The following CELSR1 variants were observed in gnomAD, a reference collection of about 807,000 sequenced individuals.
The protein encoded by CELSR1 is cadherin EGF LAG seven-pass G-type receptor 1.
CELSR1 carries 110 observed loss-of-function variants against 249.1 expected under a neutral mutation model. The ratio of observed to expected loss-of-function variants is 0.44; its 90% CI spans 0.38 to 0.52. The LOEUF is 0.52. Among genes scored for constraint, CELSR1 ranks in the 20% least tolerant of loss-of-function variants. CELSR1 has a pLI of 0.00. For missense variants in CELSR1, 4,109 were observed against 4,296.4 expected (o/e 0.96, Z 1.22); for synonymous variants, 2,113 against 1,900.0 (o/e 1.11, Z -2.92).
At position 46,471,017 on chromosome 22, in the gene CELSR1, T is replaced by C. The variant is rs531839879; in HGVS notation, c.3545-6672A>G. On this transcript the variant is annotated intron_variant, in intron 1 of 34. Transcript: ENST00000674500. The surrounding 1 kb of genome is among the most constrained non-coding windows in gnomAD (Gnocchi z 4.9). ...GTGCACATCTGTAATCCTAGCTACT[T>C]GGGAGACTGAGGCAGGAGAATCGCT... Among the ~76,000 whole-genome samples, 12 of 152,058 alleles carry C rather than the reference T, an allele frequency of 7.9e-5. No homozygotes were observed. The highest frequency in any genetic ancestry group is 6.6e-4 in the Admixed American group (10 of 15,250).
At position 46,409,456 on chromosome 22, in the gene CELSR1, G is replaced by A. The variant is rs182763959; in HGVS notation, c.5060-294C>T. 1.2e-3 allele frequency among the ~76,000 whole-genome samples: 182 copies of A among 152,264 alleles called. No homozygotes were observed. The highest frequency in any genetic ancestry group is 4.1e-3 in the African/African-American group (171 of 41,558). ...CTCTCAGGCTTGACAGGAGGCAGAC[G>A]GGGGCGGGTTCAGGATCCCTGGGCT... On this transcript the variant is annotated intron_variant, in intron 8 of 34. Coordinates refer to ENST00000674500, the MANE Select transcript of CELSR1 (RefSeq NM_001378328.1). The surrounding 1 kb of genome is among the most constrained non-coding windows in gnomAD (Gnocchi z 9.8).
At chr22:46,515,984 C>G (rs555954754) in intron 1 of CELSR1, among the ~76,000 whole-genome samples, 1 of 152,154 alleles carries the variant, frequency 6.6e-6, no homozygotes, top group African/African-American at 2.4e-5. Flanking sequence ...TGTGGAGAAA[C>G]AGGAACACTT....
rs2080337276 is a variant in CELSR1 at position 46,488,480 on chromosome 22, G to C, written c.3545-24135C>G. 6.6e-6 allele frequency among the ~76,000 whole-genome samples: 1 copy of C among 152,174 alleles called. No individual in the cohort carries two copies. Among genetic ancestry groups the C allele is most frequent in the Admixed American group, 6.5e-5 (1 of 15,278 alleles). On this transcript the variant is annotated intron_variant, in intron 1 of 34. Transcript: ENST00000674500. The surrounding 1 kb of genome is among the most constrained non-coding windows in gnomAD (Gnocchi z 4.7). ...GCGTGCCAGTGAGCTCAGTGGGACG[G>C]TTCGGCAGGAACACGGCTTGAACCC...
Position 46,378,636 on chromosome 22 carries a change from G to T in CELSR1, c.7338C>A (p.Ser2446Arg), listed in dbSNP as rs766486513. Residue 2446 changes from serine (S) to arginine (R), a missense_variant, in exon 23 of 35, where the codon AGC (serine) becomes AGA (arginine). Ser to Arg is a moderately radical substitution (Grantham distance 110). This residue lies in a region of CELSR1 where 1,805 missense variants were observed against 1,831.6 expected (regional missense o/e 0.99). Coordinates refer to ENST00000674500, the MANE Select transcript of CELSR1 (RefSeq NM_001378328.1). ...TGAGCACCGCAAAGCTGGCTGTGTG[G>T]CTGCACTGGCAGGCGACATGTGTCC... ...RNRTHVACQC[S>R]HTASFAVLMD... is the part of the protein sequence containing the mutation. 1 of 1,603,984 alleles carries T rather than the reference G, an allele frequency of 6.2e-7. No homozygotes were observed. The highest frequency in any genetic ancestry group is 8.5e-7 in the Non-Finnish European group (1 of 1,176,368).
intron 2 of CELSR1, among the ~76,000 whole-genome samples, chr22:46,459,462 T>C (rs1309575728): frequency 6.6e-6 from 1 of 152,180 alleles, no homozygotes; most frequent in Admixed American, 6.5e-5. Context: ...AAACAAATGA[T>C]GCAAGAGGAA....
intron 3 of CELSR1, among the ~76,000 whole-genome samples, chr22:46,438,208 G>C (rs529833830): frequency 6.6e-6 from 1 of 152,244 alleles, no homozygotes; most frequent in Non-Finnish European, 1.5e-5. Flanking sequence ...GCCGGGGAAG[G>C]AGAAGGAAAG....
At position 46,525,418 on chromosome 22, in the gene CELSR1, C is replaced by T. The variant is rs1297595174; in HGVS notation, c.3544+8209G>A. ...GAGCTGAGATCGCACCATTGCACTC[C>T]AGCCTGGGCAACAAAAGCAAAACTC... On this transcript the variant is annotated intron_variant, in intron 1 of 34. Coordinates refer to ENST00000674500, the MANE Select transcript of CELSR1 (RefSeq NM_001378328.1). Among the ~76,000 whole-genome samples the T allele has an allele frequency of 3.4e-5, 5 of 147,540 alleles. No individual in the cohort carries two copies. The Admixed American group carries it at 3.4e-4, about 10-fold the overall frequency.
Position 46,534,316 on chromosome 22 carries a change from G to C in CELSR1, c.2855C>G (p.Thr952Ser). The C allele has an allele frequency of 6.2e-7, 1 of 1,613,112 alleles. No homozygotes were observed. The highest frequency in any genetic ancestry group is 8.5e-7 in the Non-Finnish European group (1 of 1,180,034). ...YIEPTSGVIR[T>S]QRRLDRENVA... is the part of the protein sequence containing the mutation. The stretch of plus-strand genomic sequence containing the variant: ...ATTCTCCCGGTCCAGCCGGCGCTGG[G>C]TGCGAATCACACCGGACGTGGGCTC... The change falls in exon 1 of 35, where the codon ACC becomes AGC. Residue 952 changes from threonine to serine, a missense_variant. Thr to Ser is a moderately conservative substitution (Grantham distance 58). Around this residue, in one of 7 missense-constraint regions of CELSR1, gnomAD observed 886 missense variants for 896.5 expected, o/e 0.99. Coordinates refer to ENST00000674500, the MANE Select transcript of CELSR1 (RefSeq NM_001378328.1). The surrounding 1 kb of genome is among the most constrained non-coding windows in gnomAD (Gnocchi z 9.7).
At chr22:46,452,371 CA>C (rs2079896325) in intron 2 of CELSR1, among the ~76,000 whole-genome samples, 2 of 152,220 alleles carry the variant, frequency 1.3e-5, no homozygotes, top group South Asian at 4.1e-4. Flanking sequence ...GTGTGCCAAA[CA>C]AACACAGCGT....
At chr22:46,481,528 A>T in intron 1 of CELSR1, 1 of 1,353,330 alleles carries the variant, frequency 7.4e-7, no homozygotes. Context: ...GAACTTCTCC[A>T]GCTCACTGGT....
rs866825920 is a variant in CELSR1, at chr22:46,454,891, G to A, written c.4183+8816C>T. On this transcript the variant is annotated intron_variant, in intron 2 of 34. Coordinates refer to ENST00000674500, the MANE Select transcript of CELSR1 (RefSeq NM_001378328.1). The surrounding 1 kb of genome is among the most constrained non-coding windows in gnomAD (Gnocchi z 5.1). ...TCCCCAGAAAGATACGCTCAGTTACGAACTCCCAGTACCCTTGAAAGTGAC... is the reference window on the plus strand; with the variant it reads ...TCCCCAGAAAGATACGCTCAGTTACAAACTCCCAGTACCCTTGAAAGTGAC... Among the ~76,000 whole-genome samples the A allele has an allele frequency of 2.0e-5, 3 of 152,320 alleles. No homozygotes were observed. Among genetic ancestry groups the A allele is most frequent in the Non-Finnish European group, 4.4e-5 (3 of 68,034 alleles).
At chr22:46,476,321 C>T (rs1423757372) in intron 1 of CELSR1, among the ~76,000 whole-genome samples, 2 of 152,010 alleles carry the variant, frequency 1.3e-5, no homozygotes, top group Non-Finnish European at 2.9e-5. Context: ...GTAGGCTGGG[C>T]GCGGTGGCTC....
At position 46,436,248 on chromosome 22, in the gene CELSR1, C is replaced by G; in HGVS notation, c.4448G>C (p.Gly1483Ala). The G allele has an allele frequency of 6.2e-7, 1 of 1,614,134 alleles. No individual in the cohort carries two copies. Among genetic ancestry groups the G allele is most frequent in the Non-Finnish European group, 8.5e-7 (1 of 1,180,018 alleles). Residue 1483 changes from glycine (G) to alanine (A), a missense_variant, in exon 4 of 35, where the codon GGC becomes GCC. Gly to Ala is a moderately conservative substitution (Grantham distance 60). Transcript: ENST00000674500. This position sits in a 1 kb window ranked among gnomAD's most constrained non-coding sequence, Gnocchi z 5.9. The part of the protein sequence containing the change: ...QERNGLLLYN[G>A]RFNEKHDFIA... ...GAAGTCGTGCTTCTCATTGAAGCGG[C>G]CGTTGTAGAGAAGCAAGCCGTTCCT...
intron 2 of CELSR1, among the ~76,000 whole-genome samples, chr22:46,458,395 G>A (rs1469547820): frequency 1.3e-5 from 2 of 152,224 alleles, no homozygotes; most frequent in African/African-American, 2.4e-5. Context: ...AGGGCAGGAC[G>A]AGGGTGGCAG....
chr22:46,370,325 C>CATG, intron 25 of CELSR1: 1 of 353,196 alleles, frequency 2.8e-6, no homozygotes, highest in South Asian at 2.1e-5. Flanking sequence ...ATGTACATAC[C>CATG]CTATACACAT....
At chr22:46,442,297 G>T (rs1009919157) in intron 2 of CELSR1, among the ~76,000 whole-genome samples, 1 of 152,244 alleles carries the variant, frequency 6.6e-6, no homozygotes, top group Non-Finnish European at 1.5e-5. Context: ...TCCGCCTCCC[G>T]GCCCAGTTCC....
At chr22:46,386,904 T>A (rs2079039999) in intron 18 of CELSR1, among the ~76,000 whole-genome samples, 1 of 152,026 alleles carries the variant, frequency 6.6e-6, no homozygotes, top group East Asian at 1.9e-4. Flanking sequence ...CAGGCACACA[T>A]GTGCCACCAC....
rs772693482 is a variant in CELSR1 at position 46,363,946 on chromosome 22, G to A, written c.9035+50C>T. The A allele has an allele frequency of 8.0e-5, 122 of 1,519,102 alleles. No individual in the cohort carries two copies. Among genetic ancestry groups the A allele is most frequent in the Admixed American group, 2.7e-4 (12 of 43,700 alleles). 94.1% of individuals were successfully genotyped at this position (1,519,102 alleles called of 1,614,324 possible). On this transcript the variant is annotated intron_variant, in intron 34 of 34. Coordinates refer to ENST00000674500, the MANE Select transcript of CELSR1 (RefSeq NM_001378328.1). This position sits in a 1 kb window ranked among gnomAD's most constrained non-coding sequence, Gnocchi z 4.3. ...ACTGCCCCCTCTCTCTCCTGACTCA[G>A]GACAAGGGGGAAGTGGGTGATCCCC... is the stretch of plus-strand genomic sequence containing the variant.
At chr22:46,531,487 T>A (rs1431130056) in intron 1 of CELSR1, among the ~76,000 whole-genome samples, 2 of 152,350 alleles carry the variant, frequency 1.3e-5, no homozygotes, top group African/African-American at 4.8e-5. Flanking sequence ...ATTACAGGCA[T>A]GAGCCACTGC....
Sources: allele counts gnomAD v4.1 joint callset (sites outside exome capture counted in the v4.1 genomes callset), GRCh38; gene constraint gnomAD v4.1.1; regional missense constraint gnomAD v4.1.1; non-coding constraint Gnocchi (gnomAD v3.1); transcripts MANE v1.5; gene names NCBI Gene and HGNC (gene_info 2026-07-23, HGNC 2026-07-21).